GALNTL6: variants seen among roughly 807,000 people sequenced by gnomAD.
GALNTL6 encodes the protein polypeptide N-acetylgalactosaminyltransferase like 6.
GALNTL6 carries 46 observed loss-of-function variants against 73.7 expected under a neutral mutation model. The observed-to-expected ratio is 0.62, with a 90% confidence interval of 0.49 to 0.80. GALNTL6 has a LOEUF of 0.80. GALNTL6 is among the 30% of genes least tolerant of loss of function. The pLI, the probability that GALNTL6 is intolerant of heterozygous loss-of-function variation, is 0.00. For synonymous variants in GALNTL6, 259 were observed against 263.7 expected (o/e 0.98, Z 0.17); for missense variants, 604 against 755.0 (o/e 0.80, Z 2.34).
intron 5 of GALNTL6, among the ~76,000 whole-genome samples, chr4:172,695,280 A>T (rs922517421): frequency 1.2e-4 from 18 of 152,358 alleles, no homozygotes; most frequent in African/African-American, 4.3e-4. Flanking sequence ...ATTAAAAAAC[A>T]ATGACAGAAA....
chr4:172,644,979 G>A (rs998434720), intron 5 of GALNTL6, among the ~76,000 whole-genome samples: 1 of 151,954 alleles, frequency 6.6e-6, no homozygotes, highest in Admixed American at 6.6e-5. Flanking sequence ...TATGCATAAT[G>A]AATGTTTAAG....
At chr4:172,705,220 T>TG (rs1553975287) in intron 5 of GALNTL6, among the ~76,000 whole-genome samples, 16 of 150,906 alleles carry the variant, frequency 1.1e-4, no homozygotes, top group South Asian at 4.2e-4. Context: ...GCTATTTTTT[T>TG]TTTGTTTTAT....
chr4:172,236,113 T>C (rs144307882), intron 3 of GALNTL6, among the ~76,000 whole-genome samples: 3 of 152,348 alleles, frequency 2.0e-5, no homozygotes, highest in Non-Finnish European at 4.4e-5. Context: ...TGAATATTAC[T>C]TTAACTACAT....
At chr4:172,678,350 A>AT (rs56057771) in intron 5 of GALNTL6, among the ~76,000 whole-genome samples, 2,867 of 148,446 alleles carry the variant, frequency 0.019, 60 homozygotes, top group African/African-American at 0.048. Flanking sequence ...ACTAATTACT[A>AT]TTTTTTTTTT....
At chr4:172,481,645 G>T (rs547033067) in intron 5 of GALNTL6, among the ~76,000 whole-genome samples, 1 of 151,878 alleles carries the variant, frequency 6.6e-6, no homozygotes, top group African/African-American at 2.4e-5. Context: ...ATTTACAATC[G>T]TCTAGCTAGA....
At chr4:172,146,900 A>G (rs1408958397) in intron 2 of GALNTL6, among the ~76,000 whole-genome samples, 1 of 152,226 alleles carries the variant, frequency 6.6e-6, no homozygotes, top group Non-Finnish European at 1.5e-5. Context: ...CCCCCACAAG[A>G]AAAACTGTAG....
chr4:172,336,976 T>C (rs995933416), intron 4 of GALNTL6, among the ~76,000 whole-genome samples: 2 of 152,204 alleles, frequency 1.3e-5, no homozygotes, highest in Non-Finnish European at 2.9e-5. Context: ...TATTGTTGAA[T>C]TGAAGTCTTT....
At chr4:172,778,517 A>G (rs1739194471) in intron 5 of GALNTL6, among the ~76,000 whole-genome samples, 1 of 117,064 alleles carries the variant, frequency 8.5e-6, no homozygotes, top group African/African-American at 2.5e-5. Flanking sequence ...GAAGAAATGG[A>G]GCCAGAATAA....
At chr4:172,482,200 C>G (rs1733512246) in intron 5 of GALNTL6, among the ~76,000 whole-genome samples, 1 of 152,224 alleles carries the variant, frequency 6.6e-6, no homozygotes, top group Non-Finnish European at 1.5e-5. Context: ...CCACCCGGAA[C>G]TCGCGCTGGC....
chr4:171,967,453 T>TGTG (rs201757829), intron 2 of GALNTL6, among the ~76,000 whole-genome samples: 7 of 141,334 alleles, frequency 5.0e-5, no homozygotes, highest in Non-Finnish European at 9.0e-5. Context: ...ATGGGTTTTT[T>TGTG]TTTTTTTTTT....
At chr4:172,958,760 T>C (rs1033266877) in intron 10 of GALNTL6, among the ~76,000 whole-genome samples, 1 of 152,150 alleles carries the variant, frequency 6.6e-6, no homozygotes, top group Non-Finnish European at 1.5e-5. Context: ...CCAGGTAATT[T>C]GCTGAGCCTG....
intron 5 of GALNTL6, among the ~76,000 whole-genome samples, chr4:172,551,560 A>T (rs1477300058): frequency 6.6e-6 from 1 of 152,168 alleles, no homozygotes; most frequent in East Asian, 1.9e-4. Context: ...TAAAATTAAA[A>T]ACCAAATTCC....
Position 172,766,960 on chromosome 4 carries a change from G to A in GALNTL6, c.554-42401G>A, listed in dbSNP as rs187883681. On this transcript the variant is annotated intron_variant, in intron 5 of 12. Transcript: ENST00000506823. Reference sequence around the variant, plus strand: ...CCATTCTGACTATTTTGCTGGTGGGGCATTTGTATTCTACTCAATGATTTA... The same window carrying A: ...CCATTCTGACTATTTTGCTGGTGGGACATTTGTATTCTACTCAATGATTTA... 5.2e-3 allele frequency among the ~76,000 whole-genome samples: 798 copies of A among 152,284 alleles called. 2 individuals carry two copies. The highest frequency in any genetic ancestry group is 9.2e-3 in the Non-Finnish European group (625 of 68,020).
At chr4:172,774,511 T>C (rs889685156) in intron 5 of GALNTL6, among the ~76,000 whole-genome samples, 2 of 152,240 alleles carry the variant, frequency 1.3e-5, no homozygotes, top group Non-Finnish European at 2.9e-5. Context: ...TTATCTCTTA[T>C]GAAGGGAGCA....
chr4:172,872,204 T>C (rs933314566), intron 7 of GALNTL6, among the ~76,000 whole-genome samples: 2 of 152,354 alleles, frequency 1.3e-5, no homozygotes, highest in Non-Finnish European at 1.5e-5. Flanking sequence ...TTTGATTACA[T>C]GTATCCTCCA....
At chr4:172,559,515 C>T (rs1736274957) in intron 5 of GALNTL6, among the ~76,000 whole-genome samples, 1 of 152,160 alleles carries the variant, frequency 6.6e-6, no homozygotes. Flanking sequence ...TGAAATGTAA[C>T]TCTTCTCTGA....
rs529270578 is a variant in GALNTL6, at chr4:172,338,851, C to T, written c.387-9672C>T. ...CACCAAGAAATGTGCCTACGACTGG[C>T]GCTGGGAAACCTCTTGAGTGGTAAC... On this transcript the variant is annotated intron_variant, in intron 4 of 12. Coordinates refer to ENST00000506823, the MANE Select transcript of GALNTL6 (RefSeq NM_001034845.3). Among the ~76,000 whole-genome samples, 20 of 152,206 alleles carry T rather than the reference C, an allele frequency of 1.3e-4. No homozygotes were observed. The South Asian group carries it at 1.7e-3, about 13-fold the overall frequency.
At position 173,041,310 on chromosome 4, in the gene GALNTL6, A is replaced by G. The variant is rs778990855; in HGVS notation, c.*1210A>G. Reference sequence around the variant, plus strand: ...GACACCATTTTCTGTTAATGGGACAATATTTCGGGGATGAAGAAAGGAATG... The same window carrying G: ...GACACCATTTTCTGTTAATGGGACAGTATTTCGGGGATGAAGAAAGGAATG... On this transcript the variant is annotated 3_prime_UTR_variant, in exon 13 of 13. Coordinates refer to ENST00000506823, the MANE Select transcript of GALNTL6 (RefSeq NM_001034845.3). 6.6e-6 allele frequency: 1 copy of G among 152,086 alleles called. No individual in the cohort carries two copies. The highest frequency in any genetic ancestry group is 1.5e-5 in the Non-Finnish European group (1 of 68,012). The allele number at this position is 152,086 out of a possible 1,614,324, so 9.4% of individuals were successfully genotyped here.
At chr4:172,974,511 C>T (rs1165845580) in intron 10 of GALNTL6, among the ~76,000 whole-genome samples, 3 of 152,294 alleles carry the variant, frequency 2.0e-5, no homozygotes, top group Non-Finnish European at 2.9e-5. Flanking sequence ...GTGTATGAAA[C>T]ATATGACCCA....
Sources: allele counts gnomAD v4.1 joint callset (sites outside exome capture counted in the v4.1 genomes callset), GRCh38; gene constraint gnomAD v4.1.1; transcripts MANE v1.5; gene names NCBI Gene and HGNC (gene_info 2026-07-23, HGNC 2026-07-21).